Variants in TMEM161A observed in about 807,000 individuals in gnomAD.
TMEM161A encodes transmembrane protein 161A.
A neutral mutation model predicts 57.1 loss-of-function variants in TMEM161A; 46 were observed. The observed-to-expected ratio is 0.81, with a 90% CI of 0.64 to 1.03. The LOEUF is 1.03. Ranked by LOEUF, TMEM161A falls within the 50% of genes least tolerant of loss-of-function variation. TMEM161A has a pLI of 0.00. For synonymous variants in TMEM161A, 288 were observed against 279.0 expected, an observed-to-expected ratio of 1.03 and a Z score of -0.32; for missense variants, 601 against 621.5, an observed-to-expected ratio of 0.97 and a Z score of 0.35.
Position 19,130,220 on chromosome 19 carries a change from G to C in TMEM161A, c.531C>G (p.Phe177Leu), listed in dbSNP as rs1333138178. 6.2e-7 allele frequency: 1 copy of C among 1,613,862 alleles called. No homozygotes were observed. Among genetic ancestry groups the C allele is most frequent in the African/African-American group, 1.3e-5 (1 of 74,946 alleles). Residue 177 changes from phenylalanine to leucine, a missense_variant, in exon 6 of 12, where the codon TTC becomes TTG. Coordinates refer to ENST00000162044, the MANE Select transcript of TMEM161A (RefSeq NM_017814.3). ...CTTGCACCAGCATGGCCAGCAGCAGGAAGAGGAAGGCAAAGGTGAGGCAGA... is the reference window on the plus strand; with the variant it reads ...CTTGCACCAGCATGGCCAGCAGCAGCAAGAGGAAGGCAAAGGTGAGGCAGA... ...RSVCLTFAFL[F>L]LLLAMLVQVV...
rs2059909191 is a variant in TMEM161A, at chr19:19,121,335, G to A, written c.887C>T (p.Pro296Leu). 6.3e-7 allele frequency: 1 copy of A among 1,581,108 alleles called. No homozygotes were observed. Among genetic ancestry groups the A allele is most frequent in the Non-Finnish European group, 8.6e-7 (1 of 1,164,348 alleles). ...KPIARDFLHQ[P>L]PFGETRFSLL... ...GGAGAAACGCGTCTCCCCAAACGGC[G>A]GCTGGTGCAGGAAGTCCCGTGCAAT... Residue 296 changes from proline (P) to leucine (L), a missense_variant, in exon 9 of 12, where the codon CCG becomes CTG. Physicochemically the swap from Pro to Leu is moderately conservative, Grantham distance 98. Transcript: ENST00000162044. This position sits in a 1 kb window ranked among gnomAD's most constrained non-coding sequence, Gnocchi z 5.8.
chr19:19,134,675 C>A lies in TMEM161A; in HGVS notation c.107+109G>T. 4.0e-6 allele frequency: 3 copies of A among 749,072 alleles called. No homozygotes were observed. The South Asian group carries it at 5.1e-5, about 13-fold the overall frequency. The allele number at this position is 749,072 out of a possible 1,614,324, so 46.4% of individuals were successfully genotyped here. ...TACACCTCAACAACGTTTTTCCCCCCACCACCCACCAACCAAAATCAAGGC... is the reference window on the plus strand; with the variant it reads ...TACACCTCAACAACGTTTTTCCCCCAACCACCCACCAACCAAAATCAAGGC... On this transcript the variant is annotated intron_variant, in intron 2 of 11. Transcript: ENST00000162044.
rs1367812177 is a variant in TMEM161A at position 19,133,201 on chromosome 19, T to C, written c.117A>G (p.Arg39=). ...GCTCCTCCTCAGACGGGTGCTTGTA[T>C]CGGAACAAACTGAGAGCAAGGACGG... ...RWLLCNGSLF[R]YKHPSEEELR... is the part of the protein sequence containing the mutation. Residue 39 remains arginine, a synonymous_variant, in exon 3 of 12, where the codon CGA becomes CGG. Transcript: ENST00000162044. 6.8e-6 allele frequency: 11 copies of C among 1,613,956 alleles called. No homozygotes were observed. In the East Asian group the frequency reaches 2.5e-4, roughly 36 times the overall value.
chr19:19,124,096 ACAT>A (rs2059921718), intron 6 of TMEM161A, among the ~76,000 whole-genome samples: 1 of 152,152 alleles, frequency 6.6e-6, no homozygotes, highest in Admixed American at 6.5e-5. Flanking sequence ...AGGGTTCCAT[ACAT>A]CATGATAAAA....
chr19:19,124,452 T>C (rs576618063), intron 6 of TMEM161A, among the ~76,000 whole-genome samples: 1 of 152,188 alleles, frequency 6.6e-6, no homozygotes, highest in African/African-American at 2.4e-5. Flanking sequence ...ATAGGGCAAA[T>C]CTTACCAAAT....
At chr19:19,128,618 A>G (rs1211317653) in intron 6 of TMEM161A, among the ~76,000 whole-genome samples, 6 of 147,796 alleles carry the variant, frequency 4.1e-5, no homozygotes, top group Non-Finnish European at 8.9e-5. Context: ...GGCTCACCAC[A>G]ACCTCCGCTT....
chr19:19,119,865 G>A lies in TMEM161A; in HGVS notation c.*65C>T, dbSNP rs1246299100. On this transcript the variant is annotated 3_prime_UTR_variant, in exon 12 of 12. Coordinates refer to ENST00000162044, the MANE Select transcript of TMEM161A (RefSeq NM_017814.3). ...TGGGGACACGGGGGCGCAAACAGAG[G>A]GGGCAGGCTAGTGTCCCGCTGCCCC... is the stretch of plus-strand genomic sequence containing the variant. 3.3e-6 allele frequency: 5 copies of A among 1,514,644 alleles called. No individual in the cohort carries two copies. Among genetic ancestry groups the A allele is most frequent in the African/African-American group, 2.8e-5 (2 of 72,184 alleles). The allele number at this position is 1,514,644 out of a possible 1,614,324, so 93.8% of individuals were successfully genotyped here. A position where few individuals can be genotyped will look rare whatever the true frequency, so the allele number is the denominator to read the frequency against.
At chr19:19,130,066 G>T in intron 6 of TMEM161A, 90 bp downstream of exon 6, 2 of 1,489,906 alleles carry the variant, frequency 1.3e-6, no homozygotes, top group Non-Finnish European at 1.8e-6. Context: ...TTGCCTACTC[G>T]TGCTGGACAC....
chr19:19,123,991 T>C (rs1329803399), intron 6 of TMEM161A, among the ~76,000 whole-genome samples: 4 of 151,390 alleles, frequency 2.6e-5, no homozygotes, highest in Admixed American at 2.6e-4. Context: ...GAGGTGGAGG[T>C]TGCAGTGAGC....
In TMEM161A at chr19:19,133,149, G is replaced by A; in HGVS notation, c.169C>T (p.Pro57Ser). 3 of 1,614,144 alleles carry A rather than the reference G, an allele frequency of 1.9e-6. No homozygotes were observed. The highest frequency in any genetic ancestry group is 2.5e-6 in the Non-Finnish European group (3 of 1,179,998). ...ACTCACCGCTCTTTCCTGCCTCTGG[G>A]CCTCGGCTTCCCCGCCAGGGCCCGA... ...ELRALAGKPRPRGRKERWANG... is the reference protein window; with the variant it reads ...ELRALAGKPRSRGRKERWANG... Residue 57 changes from proline to serine, a missense_variant, in exon 3 of 12, where the codon CCC (proline) becomes TCC (serine). Transcript: ENST00000162044.
Position 19,121,242 on chromosome 19 carries a change from C to A in TMEM161A, c.914+66G>T. ...CCCAGGATCTTCCCCAGGCTCCTCCCTGAATCTCAGAGGCTAGGGCACCCA... is the reference window on the plus strand; with the variant it reads ...CCCAGGATCTTCCCCAGGCTCCTCCATGAATCTCAGAGGCTAGGGCACCCA... On this transcript the variant is annotated intron_variant, in intron 9 of 11. Transcript: ENST00000162044. This position sits in a 1 kb window ranked among gnomAD's most constrained non-coding sequence, Gnocchi z 5.8. 1 of 1,551,268 alleles carries A rather than the reference C, an allele frequency of 6.4e-7. No homozygotes were observed. The highest frequency in any genetic ancestry group is 2.4e-5 in the East Asian group (1 of 41,122).
chr19:19,135,856 G>A (rs1284070551), intron 1 of TMEM161A, among the ~76,000 whole-genome samples: 2 of 152,126 alleles, frequency 1.3e-5, no homozygotes, highest in Non-Finnish European at 2.9e-5. Context: ...GATTACAGGC[G>A]TGAGCCACTG....
Position 19,132,024 on chromosome 19 carries a change from T to C in TMEM161A, c.443+328A>G, listed in dbSNP as rs148292072. ...TCTTGGCCCTGATTGTGGACTGGCC[T>C]GGTGATTTCCTTAAACAAGGAGAAT... is the stretch of plus-strand genomic sequence containing the variant. On this transcript the variant is annotated intron_variant, in intron 5 of 11. Transcript: ENST00000162044. This position sits in a 1 kb window ranked among gnomAD's most constrained non-coding sequence, Gnocchi z 4.3. Among the ~76,000 whole-genome samples, 80 of 152,316 alleles carry C rather than the reference T, an allele frequency of 5.3e-4. No homozygotes were observed. The highest frequency in any genetic ancestry group is 1.0e-3 in the Non-Finnish European group (69 of 68,028).
Position 19,132,149 on chromosome 19 carries a change from G to A in TMEM161A, c.443+203C>T, listed in dbSNP as rs2059962191. 6.6e-6 allele frequency among the ~76,000 whole-genome samples: 1 copy of A among 152,208 alleles called. No homozygotes were observed. Among genetic ancestry groups the A allele is most frequent in the Non-Finnish European group, 1.5e-5 (1 of 68,048 alleles). Reference sequence around the variant, plus strand: ...CCACCAAAGGGCATGACCATGTGGAGTGGAGATGAACCGACCTGCTGAGCC... The same window carrying A: ...CCACCAAAGGGCATGACCATGTGGAATGGAGATGAACCGACCTGCTGAGCC... On this transcript the variant is annotated intron_variant, in intron 5 of 11. Coordinates refer to ENST00000162044, the MANE Select transcript of TMEM161A (RefSeq NM_017814.3). The surrounding 1 kb of genome is among the most constrained non-coding windows in gnomAD (Gnocchi z 4.3).
rs143518794 is a variant in TMEM161A at position 19,129,366 on chromosome 19, T to C, written c.595+790A>G. On this transcript the variant is annotated intron_variant, in intron 6 of 11. Transcript: ENST00000162044. ...GCAGTCAGCAGGGTCATGTGGGCCA[T>C]GGTGAGGGCTATGGTCTTTCTCCTA... Among the ~76,000 whole-genome samples the C allele has an allele frequency of 9.1e-3, 1,377 of 152,130 alleles. 19 individuals carry two copies. The highest frequency in any genetic ancestry group is 0.031 in the South Asian group (148 of 4,822).
At chr19:19,137,480 AATTTTCTGGAGTCTTCCATC>A in intron 1 of TMEM161A, among the ~76,000 whole-genome samples, 1 of 152,132 alleles carries the variant, frequency 6.6e-6, no homozygotes, top group African/African-American at 2.4e-5. Context: ...CATCTGCAAG[AATTTTCTGGAGTCTTCCATC>A]AGCTCCTTCT....
intron 6 of TMEM161A, among the ~76,000 whole-genome samples, chr19:19,129,492 TAAC>T (rs771812339): frequency 2.0e-5 from 3 of 152,006 alleles, no homozygotes; most frequent in Non-Finnish European, 4.4e-5. Flanking sequence ...ACACCTGTAA[TAAC>T]AACAATTTGG....
chr19:19,130,483 TG>T, intron 5 of TMEM161A, 176 bp from the exon 6 acceptor site: 2 of 724,228 alleles, frequency 2.8e-6, no homozygotes, highest in South Asian at 1.8e-5. Context: ...GGATGTGGGC[TG>T]GGGGTTCCCG....
intron 2 of TMEM161A, among the ~76,000 whole-genome samples, chr19:19,133,829 G>A (rs2059971274): frequency 6.6e-6 from 1 of 152,074 alleles, no homozygotes; most frequent in Non-Finnish European, 1.5e-5. Flanking sequence ...GAGTACAGTG[G>A]CACCATCTCA....
Sources: gnomAD v4.1 joint callset for allele counts (sites outside exome capture counted in the v4.1 genomes callset) on GRCh38, gnomAD v4.1.1 for gene constraint, Gnocchi (gnomAD v3.1) non-coding constraint, MANE v1.5 for transcripts, NCBI Gene and HGNC (gene_info 2026-07-23, HGNC 2026-07-21) for gene names.